Variants in CDH13 observed in about 807,000 individuals in gnomAD.
The protein encoded by CDH13 is cadherin 13.
A neutral mutation model predicts 63.8 loss-of-function variants in CDH13; 24 were observed. The observed-to-expected ratio is 0.38, with a 90% confidence interval of 0.27 to 0.53. The LOEUF (loss-of-function observed/expected upper bound fraction) is 0.53. Among genes scored for constraint, CDH13 ranks in the 20% least tolerant of loss-of-function variants. The pLI is 0.85. For synonymous variants in CDH13, 503 were observed against 355.3 expected (o/e 1.42, Z -4.67); for missense variants, 1,049 against 903.1 (o/e 1.16, Z -2.07).
At chr16:83,583,708 G>A (rs1905856515) in intron 7 of CDH13, among the ~76,000 whole-genome samples, 1 of 151,246 alleles carries the variant, frequency 6.6e-6, no homozygotes, top group African/African-American at 2.4e-5. Context: ...AGGAGTTTGA[G>A]ACCAGCCTCG....
chr16:82,931,892 G>C (rs2151296204), intron 2 of CDH13, among the ~76,000 whole-genome samples: 1 of 152,270 alleles, frequency 6.6e-6, no homozygotes, highest in East Asian at 1.9e-4. Context: ...GATGAGATTT[G>C]GGTGAGGACA....
chr16:82,920,708 T>C (rs1053084009), intron 2 of CDH13, among the ~76,000 whole-genome samples: 2 of 152,174 alleles, frequency 1.3e-5, no homozygotes, highest in Non-Finnish European at 2.9e-5. Flanking sequence ...CACACTCTCT[T>C]TTTTCCCCCT....
intron 1 of CDH13, among the ~76,000 whole-genome samples, chr16:82,784,998 G>T (rs1245335282): frequency 6.6e-6 from 1 of 152,152 alleles, no homozygotes; most frequent in African/African-American, 2.4e-5. Context: ...GACAGTTAGG[G>T]CTACTCCTTA....
chr16:83,473,805 T>A (rs756325183), intron 6 of CDH13, among the ~76,000 whole-genome samples: 29 of 152,184 alleles, frequency 1.9e-4, no homozygotes, highest in South Asian at 6.2e-4. Context: ...TCTCAGCCAC[T>A]TACCAGCTAG....
intron 1 of CDH13, among the ~76,000 whole-genome samples, chr16:82,743,269 C>G (rs889851640): frequency 6.6e-6 from 1 of 152,194 alleles, no homozygotes; most frequent in Non-Finnish European, 1.5e-5. Flanking sequence ...CTCTGCTGCC[C>G]AGGCTGGAGC....
chr16:83,077,242 G>T (rs1196077769), intron 3 of CDH13, among the ~76,000 whole-genome samples: 1 of 124,370 alleles, frequency 8.0e-6, no homozygotes, highest in African/African-American at 3.2e-5. Flanking sequence ...ACCTAGGCTG[G>T]AGAACAGTGA....
chr16:82,867,697 C>T (rs1317974842), intron 2 of CDH13, among the ~76,000 whole-genome samples: 1 of 152,050 alleles, frequency 6.6e-6, no homozygotes, highest in East Asian at 1.9e-4. Flanking sequence ...AAAATGAAGG[C>T]AATTAATGAA....
chr16:82,761,017 C>CTTTTTTTGTTTTTTTTT (rs2034821153), intron 1 of CDH13, among the ~76,000 whole-genome samples: 1 of 40,452 alleles, frequency 2.5e-5, no homozygotes, highest in Non-Finnish European at 4.6e-5. Flanking sequence ...TTCTTTCTTT[C>CTTTTTTTGTTTTTTTTT]TTTTTTTTTT....
intron 10 of CDH13, among the ~76,000 whole-genome samples, chr16:83,708,140 A>T (rs1328400545): frequency 6.6e-6 from 1 of 152,168 alleles, no homozygotes; most frequent in Non-Finnish European, 1.5e-5. Context: ...CTCACCACCC[A>T]TAGAGGATCC....
chr16:83,125,243 A>T (rs980422385), intron 3 of CDH13, 142 bp from the exon 4 acceptor site: 5 of 593,638 alleles, frequency 8.4e-6, no homozygotes, highest in Non-Finnish European at 1.5e-5. Flanking sequence ...TGTACTTGGT[A>T]ATGCTAATAG....
At chr16:83,179,464 T>G in intron 4 of CDH13, among the ~76,000 whole-genome samples, 1 of 104,894 alleles carries the variant, frequency 9.5e-6, no homozygotes, top group Admixed American at 9.8e-5. Flanking sequence ...GCTAACACAG[T>G]GAAACCCCGT....
chr16:83,745,563 G>A (rs1044822697), intron 10 of CDH13, among the ~76,000 whole-genome samples: 3 of 152,126 alleles, frequency 2.0e-5, no homozygotes, highest in African/African-American at 2.4e-5. Context: ...GTCCTGGGTC[G>A]CCATGAGGCT....
chr16:82,941,843 T>C (rs1027506076), intron 2 of CDH13, among the ~76,000 whole-genome samples: 1 of 152,196 alleles, frequency 6.6e-6, no homozygotes, highest in African/African-American at 2.4e-5. Flanking sequence ...CAAGCACTTA[T>C]ATTCATACCC....
At chr16:82,812,606 G>A (rs1351474472) in intron 1 of CDH13, among the ~76,000 whole-genome samples, 2 of 152,100 alleles carry the variant, frequency 1.3e-5, no homozygotes, top group Admixed American at 6.6e-5. Flanking sequence ...CTAGTGACAC[G>A]GAGGGTGTTA....
At chr16:83,527,088 G>A (rs1348437062) in intron 7 of CDH13, among the ~76,000 whole-genome samples, 5 of 151,810 alleles carry the variant, frequency 3.3e-5, no homozygotes, top group Admixed American at 6.6e-5. Flanking sequence ...CCGAGATTAT[G>A]CCACTGCCCT....
intron 11 of CDH13, among the ~76,000 whole-genome samples, chr16:83,775,349 A>T (rs1442797827): frequency 6.6e-6 from 1 of 151,700 alleles, no homozygotes; most frequent in Non-Finnish European, 1.5e-5. Context: ...GCAGATTCCC[A>T]ATTGGAAACT....
At chr16:83,675,535 C>T (rs1450903006) in intron 9 of CDH13, among the ~76,000 whole-genome samples, 1 of 152,154 alleles carries the variant, frequency 6.6e-6, no homozygotes, top group Non-Finnish European at 1.5e-5. Context: ...GCTCTTGCTT[C>T]CCCACTCTTC....
At chr16:83,467,291 G>A (rs931113833) in intron 6 of CDH13, among the ~76,000 whole-genome samples, 1 of 152,096 alleles carries the variant, frequency 6.6e-6, no homozygotes, top group Admixed American at 6.6e-5. Context: ...TCTTGTCCAT[G>A]TTTTTATAGA....
At chr16:82,874,063 G>GTA (rs74421756) in intron 2 of CDH13, among the ~76,000 whole-genome samples, 113,807 of 151,776 alleles carry the variant, frequency 0.75, 42,969 homozygotes, top group East Asian at 0.88. Context: ...TGCACACATT[G>GTA]TATTACACGA....
Sources: allele counts gnomAD v4.1 joint callset (sites outside exome capture counted in the v4.1 genomes callset), GRCh38; gene constraint gnomAD v4.1.1; transcripts MANE v1.5; gene names NCBI Gene and HGNC (gene_info 2026-07-23, HGNC 2026-07-21).